The following ZSCAN20 variants were observed in gnomAD, a reference collection of about 807,000 sequenced individuals.
The protein encoded by ZSCAN20 is zinc finger and SCAN domain-containing protein 20.
A neutral mutation model predicts 97.1 loss-of-function variants in ZSCAN20; 39 were observed. The ratio of observed to expected loss-of-function variants is 0.40; its 90% CI spans 0.31 to 0.52. ZSCAN20 has a LOEUF of 0.52. Among genes scored for constraint, ZSCAN20 ranks in the 20% least tolerant of loss-of-function variants. The pLI, the probability that ZSCAN20 is intolerant of heterozygous loss-of-function variation, is 0.49. For missense variants in ZSCAN20, 1,115 were observed against 1,290.4 expected, an observed-to-expected ratio of 0.86 and a Z score of 2.08; for synonymous variants, 456 against 467.3, an observed-to-expected ratio of 0.98 and a Z score of 0.31.
intron 3 of ZSCAN20, 91 bp from the exon 4 acceptor site, chr1:33,489,024 T>C (rs897549005): frequency 6.0e-5 from 65 of 1,090,024 alleles, no homozygotes; most frequent in Non-Finnish European, 7.7e-5. Flanking sequence ...CCTAGCTTGA[T>C]CCAAGTGTTA....
chr1:33,473,800 C>T (rs1011505738), intron 1 of ZSCAN20, among the ~76,000 whole-genome samples: 1 of 152,188 alleles, frequency 6.6e-6, no homozygotes, highest in African/African-American at 2.4e-5. Context: ...TGTGTCTCTT[C>T]CATTAGACTG....
intron 1 of ZSCAN20, among the ~76,000 whole-genome samples, chr1:33,477,727 T>C (rs370593744): frequency 1.3e-5 from 2 of 150,022 alleles, no homozygotes; most frequent in East Asian, 3.9e-4. Context: ...TAGTCAATCA[T>C]TCGTGACTTT....
At position 33,498,368 on chromosome 1, in the gene ZSCAN20, C is replaced by T. The variant is rs558547186; in HGVS notation, c.*2892C>T. On this transcript the variant is annotated 3_prime_UTR_variant, in exon 8 of 8. Transcript: ENST00000684572. The stretch of plus-strand genomic sequence containing the variant: ...TGTCTCATGAATCTTAATAGAGGTT[C>T]AGTCATGAAAGCAAGGCCAGTGTGG... 7.2e-4 allele frequency among the ~76,000 whole-genome samples: 110 copies of T among 152,310 alleles called. 3 individuals carry two copies. The highest frequency in any genetic ancestry group is 2.5e-3 in the African/African-American group (105 of 41,568).
chr1:33,489,738 C>G (rs997951046), intron 5 of ZSCAN20, 136 bp downstream of exon 5: 1 of 803,666 alleles, frequency 1.2e-6, no homozygotes, highest in Non-Finnish European at 2.0e-6. Flanking sequence ...AAGACTTGCC[C>G]TTTGTAGCCA....
In ZSCAN20 at chr1:33,494,388, C is replaced by T. The variant is rs777889281; in HGVS notation, c.2044C>T (p.Gln682Ter). 2 of 1,614,074 alleles carry T rather than the reference C, an allele frequency of 1.2e-6. No homozygotes were observed. Among genetic ancestry groups the T allele is most frequent in the South Asian group, 2.2e-5 (2 of 91,062 alleles). ...TGAAGGGCAGTGGGGAAATCCCTCA[C>T]AGGAACAGTGGCAAGAAAGTTCTTC... ...EDEGQWGNPS[Q>*]EQWQESSSEE... The change falls in exon 8 of 8, where the codon CAG becomes TAG. Residue 682 changes from glutamine (Q) to a stop codon, truncating the protein, a stop_gained. Coordinates refer to ENST00000684572, the MANE Select transcript of ZSCAN20 (RefSeq NM_001377376.1). LOFTEE classifies it high-confidence loss of function.
chr1:33,482,435 T>C (rs1257784096), intron 2 of ZSCAN20, among the ~76,000 whole-genome samples: 2 of 152,230 alleles, frequency 1.3e-5, no homozygotes, highest in Non-Finnish European at 2.9e-5. Context: ...CAATATTCCG[T>C]TGTGTGGATG....
chr1:33,489,476 AG>A, intron 4 of ZSCAN20, 41 bp from the exon 5 acceptor site: 1 of 1,599,550 alleles, frequency 6.3e-7, no homozygotes, highest in Non-Finnish European at 8.6e-7. Context: ...CTGTTGTCAA[AG>A]GTCAGTGATG....
chr1:33,499,866 C>T lies in ZSCAN20; in HGVS notation c.*4390C>T, dbSNP rs1432110804. Among the ~76,000 whole-genome samples, 1 of 152,068 alleles carries T rather than the reference C, an allele frequency of 6.6e-6. No individual in the cohort carries two copies. Among genetic ancestry groups the T allele is most frequent in the African/African-American group, 2.4e-5 (1 of 41,388 alleles). Reference sequence around the variant, plus strand: ...CCCACCTCAGCCTCCCAAAGCTCCCCTTAACCTCAGTTTTGATCCCATCCT... The same window carrying T: ...CCCACCTCAGCCTCCCAAAGCTCCCTTTAACCTCAGTTTTGATCCCATCCT... On this transcript the variant is annotated 3_prime_UTR_variant, in exon 8 of 8. Transcript: ENST00000684572.
At chr1:33,489,653 C>A in intron 5 of ZSCAN20, 51 bp downstream of exon 5, 2 of 1,550,720 alleles carry the variant, frequency 1.3e-6, no homozygotes, top group South Asian at 1.1e-5. Context: ...CTGATACACC[C>A]AGTTCCCAAA....
chr1:33,500,486 G>T lies in ZSCAN20; in HGVS notation c.*5010G>T, dbSNP rs561067283. ...TAAGAGCCACTTGGTTAAGTCAAGAGCATTAGAAGAGTAAAAAGAAGAATA... is the reference window on the plus strand; with the variant it reads ...TAAGAGCCACTTGGTTAAGTCAAGATCATTAGAAGAGTAAAAAGAAGAATA... On this transcript the variant is annotated 3_prime_UTR_variant, in exon 8 of 8. Coordinates refer to ENST00000684572, the MANE Select transcript of ZSCAN20 (RefSeq NM_001377376.1). Among the ~76,000 whole-genome samples, 1 of 152,094 alleles carries T rather than the reference G, an allele frequency of 6.6e-6. No homozygotes were observed. The highest frequency in any genetic ancestry group is 1.5e-5 in the Non-Finnish European group (1 of 68,032).
At chr1:33,492,796 AGGAGAATTTAT>A (rs1652677609) in intron 6 of ZSCAN20, among the ~76,000 whole-genome samples, 1 of 99,328 alleles carries the variant, frequency 1.0e-5, no homozygotes, top group Non-Finnish European at 2.1e-5. Context: ...AAAAAAAAAA[AGGAGAATTTAT>A]AAAATAAATA....
chr1:33,479,385 G>C lies in ZSCAN20; in HGVS notation c.97G>C (p.Glu33Gln), dbSNP rs1557435499. The change falls in exon 2 of 8, where the codon GAA (glutamate) becomes CAA (glutamine). Residue 33 changes from glutamate (E) to glutamine (Q), a missense_variant. Coordinates refer to ENST00000684572, the MANE Select transcript of ZSCAN20 (RefSeq NM_001377376.1). ...VKLEEDSWGS[E>Q]SKLWEKDRGS... ...ACTGGAAGAGGACTCTTGGGGATCA[G>C]AATCCAAACTCTGGGAGAAGGACCG... 28 of 1,614,146 alleles carry C rather than the reference G, an allele frequency of 1.7e-5. No individual in the cohort carries two copies. The highest frequency in any genetic ancestry group is 5.0e-5 in the Admixed American group (3 of 60,018).
Position 33,489,120 on chromosome 1 carries a change from C to T in ZSCAN20, c.610C>T (p.Leu204Phe). 2 of 1,611,822 alleles carry T rather than the reference C, an allele frequency of 1.2e-6. 1 individual carries two copies. Among genetic ancestry groups the T allele is most frequent in the South Asian group, 2.2e-5 (2 of 90,692 alleles). Residue 204 changes from leucine to phenylalanine, a missense_variant, in exon 4 of 8, where the codon CTC becomes TTC. By Grantham distance (22) the Leu-to-Phe change is conservative. Transcript: ENST00000684572. ...TGACTTTTTCTTTTCCTCAGCTGTC[C>T]TCACTCCCCGAGTCCCTACTCTCCC... ...APQPLKESAV[L>F]TPRVPTLPKM... is the part of the protein sequence containing the mutation.
At chr1:33,477,224 A>G (rs764736285) in intron 1 of ZSCAN20, among the ~76,000 whole-genome samples, 1 of 152,212 alleles carries the variant, frequency 6.6e-6, no homozygotes, top group Non-Finnish European at 1.5e-5. Flanking sequence ...GGAAGCTGCC[A>G]GGTAGCCATG....
At position 33,477,171 on chromosome 1, in the gene ZSCAN20, A is replaced by G. The variant is rs541909103; in HGVS notation, c.-110-2008A>G. Among the ~76,000 whole-genome samples, 8 of 152,316 alleles carry G rather than the reference A, an allele frequency of 5.3e-5. No homozygotes were observed. The South Asian group carries it at 1.7e-3, about 32-fold the overall frequency. On this transcript the variant is annotated intron_variant, in intron 1 of 7. Transcript: ENST00000684572. ...GAAAAGGGCATGTCAAGGAACTCCT[A>G]TCAAAGGAGGTGACATTTGAGCTGG...
At chr1:33,475,790 G>T (rs1300531392) in intron 1 of ZSCAN20, among the ~76,000 whole-genome samples, 4 of 151,168 alleles carry the variant, frequency 2.6e-5, no homozygotes, top group African/African-American at 9.7e-5. Context: ...CTCCCGAGTA[G>T]CTGGGATTAC....
At chr1:33,479,823 C>T in intron 2 of ZSCAN20, 118 bp downstream of exon 2, 1 of 1,110,836 alleles carries the variant, frequency 9.0e-7, no homozygotes, top group Non-Finnish European at 1.2e-6. Flanking sequence ...AGAACTGACA[C>T]TTATTGACCA....
chr1:33,475,494 A>T (rs943293908), intron 1 of ZSCAN20, among the ~76,000 whole-genome samples: 3 of 152,222 alleles, frequency 2.0e-5, no homozygotes, highest in Non-Finnish European at 4.4e-5. Context: ...ACTGTGCGGT[A>T]TGAAAGACAC....
At chr1:33,476,987 A>T (rs188396151) in intron 1 of ZSCAN20, among the ~76,000 whole-genome samples, 12 of 152,366 alleles carry the variant, frequency 7.9e-5, no homozygotes, top group African/African-American at 1.2e-4. Context: ...TACAGAAATT[A>T]GTAACATACA....
Sources: gnomAD v4.1 joint callset for allele counts (sites outside exome capture counted in the v4.1 genomes callset) on GRCh38, gnomAD v4.1.1 for gene constraint, MANE v1.5 for transcripts, NCBI Gene and HGNC (gene_info 2026-07-23, HGNC 2026-07-21) for gene names.